The following CLNK variants were observed in gnomAD, a reference collection of about 807,000 sequenced individuals.
CLNK encodes the protein cytokine-dependent hematopoietic cell linker.
A neutral mutation model predicts 68.6 loss-of-function variants in CLNK; 74 were observed. The observed-to-expected ratio is 1.08, with a 90% CI of 0.89 to 1.31. The LOEUF is 1.31. CLNK is among the 50% of genes most tolerant of loss of function. The pLI is 0.00. For synonymous variants in CLNK, 198 were observed against 172.2 expected (o/e 1.15, Z -1.17); for missense variants, 553 against 515.3 (o/e 1.07, Z -0.71).
chr4:10,615,680 C>T (rs1317406219), intron 2 of CLNK, among the ~76,000 whole-genome samples: 2 of 152,210 alleles, frequency 1.3e-5, no homozygotes, highest in African/African-American at 4.8e-5. Context: ...AGTAAGTATG[C>T]TGTCTTGTCA....
chr4:10,717,934 T>G, the CLNK span, among the ~76,000 whole-genome samples: 1 of 152,280 alleles, frequency 6.6e-6, no homozygotes, highest in South Asian at 2.1e-4. Context: ...ACAAAAATGC[T>G]TCAATGAGCA....
the CLNK span, among the ~76,000 whole-genome samples, chr4:10,719,274 A>G: frequency 2.6e-5 from 4 of 152,162 alleles, no homozygotes; most frequent in African/African-American, 4.8e-5. Context: ...ATTAAAATAT[A>G]TAGGCCAACT....
At chr4:10,618,801 T>G (rs1183544292) in intron 2 of CLNK, among the ~76,000 whole-genome samples, 1 of 152,152 alleles carries the variant, frequency 6.6e-6, no homozygotes, top group African/African-American at 2.4e-5. Flanking sequence ...ACTCACTCAG[T>G]CACGGTTATG....
rs541307666 is a variant in CLNK at position 10,668,733 on chromosome 4, T to C, written c.-42-822A>G. On this transcript the variant is annotated intron_variant, in intron 1 of 18. Transcript: ENST00000226951. Reference sequence around the variant, plus strand: ...GGACACAGAGACAGGTCTCTCTTTCTGGGTTGCGGGTAGAGGAGCTGTGGC... The same window carrying C: ...GGACACAGAGACAGGTCTCTCTTTCCGGGTTGCGGGTAGAGGAGCTGTGGC... Among the ~76,000 whole-genome samples the C allele has an allele frequency of 2.0e-5, 3 of 152,280 alleles. No individual in the cohort carries two copies. In the East Asian group the frequency reaches 5.8e-4, roughly 29 times the overall value.
chr4:10,722,820 C>A, the CLNK span, among the ~76,000 whole-genome samples: 2 of 152,098 alleles, frequency 1.3e-5, no homozygotes, highest in South Asian at 4.1e-4. Flanking sequence ...GAGGCCGAGG[C>A]GGGTGGATCA....
the CLNK span, among the ~76,000 whole-genome samples, chr4:10,690,371 G>C: frequency 6.6e-6 from 1 of 152,106 alleles, no homozygotes; most frequent in Non-Finnish European, 1.5e-5. Context: ...TTCTGACTTT[G>C]TATTGATTTC....
rs113965639 is a variant in CLNK at position 10,608,200 on chromosome 4, A to G, written c.12-10151T>C. 6.1e-3 allele frequency among the ~76,000 whole-genome samples: 927 copies of G among 152,246 alleles called. 3 individuals are homozygous for G. Among genetic ancestry groups the G allele is most frequent in the Non-Finnish European group, 9.9e-3 (670 of 67,996 alleles). ...CCTTTCCACTCAAAGATCTTTTACA[A>G]TTTTATCTTAGTTATCATTTCAACT... On this transcript the variant is annotated intron_variant, in intron 2 of 18. Transcript: ENST00000226951.
chr4:10,705,608 C>A, the CLNK span, among the ~76,000 whole-genome samples: 1 of 152,146 alleles, frequency 6.6e-6, no homozygotes, highest in African/African-American at 2.4e-5. Context: ...CATGTTGTAT[C>A]ACTCTCACCC....
chr4:10,687,846 C>T (rs1417415469), upstream of CLNK, among the ~76,000 whole-genome samples: 4 of 152,130 alleles, frequency 2.6e-5, no homozygotes, highest in South Asian at 4.1e-4. Flanking sequence ...CATTGCTTCA[C>T]GAGTTCTTGC....
At chr4:10,705,485 C>A in the CLNK span, among the ~76,000 whole-genome samples, 4 of 152,292 alleles carry the variant, frequency 2.6e-5, no homozygotes, top group East Asian at 7.7e-4. Context: ...TTTTGTGGCT[C>A]CAGGGTCCAA....
the CLNK span, among the ~76,000 whole-genome samples, chr4:10,711,602 T>TAA: frequency 1.8e-4 from 28 of 152,000 alleles, no homozygotes; most frequent in Admixed American, 7.2e-4. Flanking sequence ...CCTAAATTTA[T>TAA]AAAAAAACTT....
chr4:10,620,235 C>T (rs1318904449), intron 2 of CLNK, among the ~76,000 whole-genome samples: 1 of 152,182 alleles, frequency 6.6e-6, no homozygotes, highest in African/African-American at 2.4e-5. Context: ...ACTCCAATCA[C>T]ATGATCCGTA....
At chr4:10,517,938 G>A (rs572282938) in intron 15 of CLNK, among the ~76,000 whole-genome samples, 1 of 152,032 alleles carries the variant, frequency 6.6e-6, no homozygotes, top group Non-Finnish European at 1.5e-5. Context: ...AAGAAATTCT[G>A]ACTATGTAAC....
At chr4:10,582,110 GA>G (rs764031101) in intron 4 of CLNK, among the ~76,000 whole-genome samples, 5 of 152,198 alleles carry the variant, frequency 3.3e-5, no homozygotes, top group Non-Finnish European at 5.9e-5. Flanking sequence ...ATCTTGGGAT[GA>G]TCTGAAATCC....
chr4:10,709,984 A>G, the CLNK span, among the ~76,000 whole-genome samples: 2 of 152,222 alleles, frequency 1.3e-5, 1 homozygote. Context: ...ACCCTCAGTT[A>G]CAAGCTCAAC....
Position 10,501,347 on chromosome 4 carries a change from A to G in CLNK, c.1049T>C (p.Val350Ala), listed in dbSNP as rs202225480. Residue 350 changes from valine to alanine, a missense_variant, in exon 18 of 19, where the codon GTG (valine) becomes GCG (alanine). Transcript: ENST00000226951. ...KSKEEPYVLA[V>A]FYENKVYNVK... Reference sequence around the variant, plus strand: ...ATTGTAGACTTTGTTCTCATAAAACACAGCCAAAACATAGGGCTCTTCCTT... The same window carrying G: ...ATTGTAGACTTTGTTCTCATAAAACGCAGCCAAAACATAGGGCTCTTCCTT... 74 of 1,609,790 alleles carry G rather than the reference A, an allele frequency of 4.6e-5. No individual in the cohort carries two copies. Among genetic ancestry groups the G allele is most frequent in the Middle Eastern group, 1.6e-4 (1 of 6,074 alleles).
intron 1 of CLNK, among the ~76,000 whole-genome samples, chr4:10,673,796 C>CGTCA (rs1340850627): frequency 6.6e-6 from 1 of 151,646 alleles, no homozygotes; most frequent in African/African-American, 2.4e-5. Context: ...GGCTGTGGAG[C>CGTCA]GTCAGCCTTG....
At chr4:10,632,962 T>G (rs573180235) in intron 2 of CLNK, among the ~76,000 whole-genome samples, 1 of 152,342 alleles carries the variant, frequency 6.6e-6, no homozygotes, top group African/African-American at 2.4e-5. Context: ...TATCTTATTT[T>G]GACTGAGGCC....
At chr4:10,589,571 C>A (rs1012027689) in intron 3 of CLNK, among the ~76,000 whole-genome samples, 2 of 145,690 alleles carry the variant, frequency 1.4e-5, no homozygotes, top group Non-Finnish European at 3.0e-5. Flanking sequence ...TCCAGCTGAG[C>A]CTGCTGCTGT....
Sources: allele counts gnomAD v4.1 joint callset (sites outside exome capture counted in the v4.1 genomes callset), GRCh38; gene constraint gnomAD v4.1.1; transcripts MANE v1.5; gene names NCBI Gene and HGNC (gene_info 2026-07-23, HGNC 2026-07-21).